The following PGAP3 variants were observed in gnomAD, a reference collection of about 807,000 sequenced individuals.
The protein encoded by PGAP3 is post-GPI attachment to proteins phospholipase 3.
A neutral mutation model predicts 40.3 loss-of-function variants in PGAP3; 31 were observed. The observed-to-expected ratio is 0.77, with a 90% CI of 0.58 to 1.04. PGAP3 has a LOEUF of 1.04. PGAP3 is among the 50% of genes least tolerant of loss of function. PGAP3 has a pLI of 0.00. For synonymous variants in PGAP3, 191 were observed against 184.5 expected (o/e 1.04, Z -0.29); for missense variants, 413 against 423.0 (o/e 0.98, Z 0.21).
At chr17:39,674,972 TACTC>T (rs2057357509) in intron 3 of PGAP3, among the ~76,000 whole-genome samples, 3 of 152,118 alleles carry the variant, frequency 2.0e-5, no homozygotes, top group Admixed American at 2.0e-4. Flanking sequence ...GCTCCCTAGT[TACTC>T]AATTGCTAAG....
intron 1 of PGAP3, among the ~76,000 whole-genome samples, chr17:39,686,805 AT>A (rs2057542541): frequency 6.6e-6 from 1 of 151,992 alleles, no homozygotes; most frequent in African/African-American, 2.4e-5. Flanking sequence ...CTTGGCAGAC[AT>A]TTCCTCTCCT....
chr17:39,680,348 T>C (rs1323383696), intron 3 of PGAP3, among the ~76,000 whole-genome samples: 1 of 152,220 alleles, frequency 6.6e-6, no homozygotes, highest in African/African-American at 2.4e-5. Flanking sequence ...AGGAAATGTA[T>C]GTAAAGTGCT....
intron 3 of PGAP3, among the ~76,000 whole-genome samples, chr17:39,679,281 G>A (rs1179523367): frequency 2.6e-5 from 4 of 152,136 alleles, no homozygotes; most frequent in African/African-American, 9.7e-5. Context: ...TAGTCACACT[G>A]GACTGCAGGC....
intron 2 of PGAP3, chr17:39,685,007 AG>A (rs1194649502): frequency 7.3e-6 from 3 of 413,594 alleles, no homozygotes; most frequent in Non-Finnish European, 1.3e-5. Context: ...GGGTCAGGGT[AG>A]ATGACTCAGT....
chr17:39,679,975 G>A (rs982583884), intron 3 of PGAP3, among the ~76,000 whole-genome samples: 1 of 152,076 alleles, frequency 6.6e-6, no homozygotes, highest in Non-Finnish European at 1.5e-5. Flanking sequence ...TAGAGGACGC[G>A]GTCTCCCCAC....
At chr17:39,679,395 A>C (rs999834747) in intron 3 of PGAP3, among the ~76,000 whole-genome samples, 2 of 152,178 alleles carry the variant, frequency 1.3e-5, no homozygotes, top group Non-Finnish European at 1.5e-5. Context: ...CAGATCTGTG[A>C]AGTGACCCCT....
chr17:39,680,627 C>T (rs1394243750), intron 3 of PGAP3, among the ~76,000 whole-genome samples: 2 of 152,176 alleles, frequency 1.3e-5, no homozygotes, highest in South Asian at 2.1e-4. Context: ...CAATTCAGGA[C>T]AGCAGAAGCC....
intron 3 of PGAP3, among the ~76,000 whole-genome samples, chr17:39,682,992 G>A (rs955136814): frequency 7.9e-5 from 12 of 152,064 alleles, no homozygotes; most frequent in Non-Finnish European, 1.2e-4. Context: ...CAGGAGAATC[G>A]CTTGAACTGG....
At chr17:39,675,119 G>T (rs1013660630) in intron 3 of PGAP3, among the ~76,000 whole-genome samples, 1 of 151,796 alleles carries the variant, frequency 6.6e-6, no homozygotes, top group African/African-American at 2.4e-5. Flanking sequence ...GGAGGGGCTC[G>T]AGCCAGCTTG....
At chr17:39,683,893 G>A (rs528809388) in intron 3 of PGAP3, among the ~76,000 whole-genome samples, 65 of 152,082 alleles carry the variant, frequency 4.3e-4, no homozygotes, top group Admixed American at 4.6e-4. Flanking sequence ...GGGAGGCCGA[G>A]GTGGGTGGAT....
chr17:39,688,021 T>TC lies in PGAP3; in HGVS notation c.-8dup, dbSNP rs1169861773. 2.8e-5 allele frequency: 39 copies of TC among 1,390,288 alleles called. No individual in the cohort carries two copies. Among genetic ancestry groups the TC allele is most frequent in the Non-Finnish European group, 3.6e-5 (38 of 1,055,650 alleles). 86.1% of individuals were successfully genotyped at this position (1,390,288 alleles called of 1,614,324 possible). ...GCGCCGCCAGGCCGGCCATCCTTTC[T>TC]CCCTGGCTCGCCGCCGGGGGAGGAG... On this transcript the variant is annotated 5_prime_UTR_variant, in exon 1 of 8. Coordinates refer to ENST00000300658, the MANE Select transcript of PGAP3 (RefSeq NM_033419.5).
Position 39,687,895 on chromosome 17 carries a change from G to T in PGAP3, c.120C>A (p.Asn40Lys), listed in dbSNP as rs373850048. The change falls in exon 1 of 8, where the codon AAC (asparagine) becomes AAA (lysine). Residue 40 changes from asparagine (N) to lysine (K), a missense_variant. Coordinates refer to ENST00000300658, the MANE Select transcript of PGAP3 (RefSeq NM_033419.5). The stretch of plus-strand genomic sequence containing the variant: ...AGTGATTCAGAGCGCCCCCAGAGCA[G>T]TTCTGCTCTTCGCACTGCAGTACGC... The part of the protein sequence containing the change: ...RDCVLQCEEQ[N>K]CSGGALNHFR... The T allele has an allele frequency of 8.7e-5, 132 of 1,517,766 alleles. No homozygotes were observed. The highest frequency in any genetic ancestry group is 1.1e-4 in the Non-Finnish European group (126 of 1,123,214). The allele number at this position is 1,517,766 out of a possible 1,614,324, so 94.0% of individuals were successfully genotyped here. A position where few individuals can be genotyped will look rare whatever the true frequency, so the allele number is the denominator to read the frequency against.
chr17:39,681,230 C>A (rs2057436523), intron 3 of PGAP3, among the ~76,000 whole-genome samples: 1 of 152,106 alleles, frequency 6.6e-6, no homozygotes, highest in African/African-American at 2.4e-5. Flanking sequence ...CTCATCTAAT[C>A]CACTCTTGAA....
At chr17:39,680,392 A>C (rs1468237901) in intron 3 of PGAP3, among the ~76,000 whole-genome samples, 2 of 152,142 alleles carry the variant, frequency 1.3e-5, no homozygotes, top group Non-Finnish European at 2.9e-5. Flanking sequence ...CCTGTTCCTT[A>C]ATTTATCACA....
At chr17:39,677,878 C>T (rs1359833829) in intron 3 of PGAP3, among the ~76,000 whole-genome samples, 1 of 152,258 alleles carries the variant, frequency 6.6e-6, no homozygotes, top group African/African-American at 2.4e-5. Context: ...GTGCTCGGGG[C>T]TGTCATTGAC....
At chr17:39,673,741 A>C in intron 5 of PGAP3, 91 bp from the exon 6 acceptor site, 1 of 1,539,964 alleles carries the variant, frequency 6.5e-7, no homozygotes, top group Non-Finnish European at 8.8e-7. Flanking sequence ...ACATTGGTGC[A>C]TGGCCCCTGA....
intron 5 of PGAP3, 53 bp downstream of exon 5, chr17:39,673,940 C>G (rs1051722172): frequency 3.7e-5 from 58 of 1,580,908 alleles, no homozygotes; most frequent in Non-Finnish European, 4.7e-5. Flanking sequence ...TGGGTGACCC[C>G]TTTCTGCCCC....
chr17:39,674,663 C>G lies in PGAP3; in HGVS notation c.449G>C (p.Trp150Ser). 6.4e-7 allele frequency: 1 copy of G among 1,551,222 alleles called. No individual in the cohort carries two copies. Among genetic ancestry groups the G allele is most frequent in the Non-Finnish European group, 8.7e-7 (1 of 1,146,658 alleles). Reference sequence around the variant, plus strand: ...GGTGTGGAAAACTGTGGACCAGAACCATGCATTGAGGGACACCTAAGGAGG... The same window carrying G: ...GGTGTGGAAAACTGTGGACCAGAACGATGCATTGAGGGACACCTAAGGAGG... ...VAFAWVSLNA[W>S]FWSTVFHTRD... The change falls in exon 4 of 8, where the codon TGG (tryptophan) becomes TCG (serine). Residue 150 changes from tryptophan (W) to serine (S), a missense_variant. Trp to Ser is a radical substitution (Grantham distance 177, BLOSUM62 -3). Transcript: ENST00000300658.
Position 39,673,035 on chromosome 17 carries a change from A to C in PGAP3, c.899+16T>G. The C allele has an allele frequency of 1.3e-6, 2 of 1,597,310 alleles. No homozygotes were observed. Among genetic ancestry groups the C allele is most frequent in the Non-Finnish European group, 1.7e-6 (2 of 1,172,004 alleles). On this transcript the variant is annotated intron_variant, in intron 7 of 7. Transcript: ENST00000300658. ...GGTCCAAAGAAGGTGAGCACCAGGCAGGGGGCAGCACCCACCTGAAAAAGA... is the reference window on the plus strand; with the variant it reads ...GGTCCAAAGAAGGTGAGCACCAGGCCGGGGGCAGCACCCACCTGAAAAAGA...
Sources: allele counts gnomAD v4.1 joint callset (sites outside exome capture counted in the v4.1 genomes callset), GRCh38; gene constraint gnomAD v4.1.1; transcripts MANE v1.5; gene names NCBI Gene and HGNC (gene_info 2026-07-23, HGNC 2026-07-21).